Variants in KLHDC10 observed in about 807,000 individuals in gnomAD.
KLHDC10 encodes kelch domain containing 10, also known as kelch domain-containing protein 10.
KLHDC10 carries 24 observed loss-of-function variants against 56.1 expected under a neutral mutation model. The ratio of observed to expected loss-of-function variants is 0.43; its 90% CI spans 0.31 to 0.60. The LOEUF is 0.60. Ranked by LOEUF, KLHDC10 falls within the 20% of genes least tolerant of loss-of-function variation. KLHDC10 has a pLI of 0.11. For synonymous variants in KLHDC10, 188 were observed against 207.1 expected, an observed-to-expected ratio of 0.91 and a Z score of 0.79; for missense variants, 349 against 567.0, an observed-to-expected ratio of 0.62 and a Z score of 3.91.
intron 2 of KLHDC10, among the ~76,000 whole-genome samples, chr7:130,105,861 C>T (rs575132172): frequency 6.4e-4 from 98 of 152,216 alleles, no homozygotes; most frequent in Admixed American, 2.6e-3. Context: ...ATAATTTGTA[C>T]ATTTAAGGCC....
rs905747936 is a variant in KLHDC10 at position 130,128,393 on chromosome 7, G to A, written c.979+942G>A. On this transcript the variant is annotated intron_variant, in intron 8 of 9. Coordinates refer to ENST00000335420, the MANE Select transcript of KLHDC10 (RefSeq NM_014997.4). Reference sequence around the variant, plus strand: ...ATTCAACCTTAGTTCTAGGCATTTCGTTTGAAGGTTCACATAGCCTTTGTT... The same window carrying A: ...ATTCAACCTTAGTTCTAGGCATTTCATTTGAAGGTTCACATAGCCTTTGTT... Among the ~76,000 whole-genome samples, 13 of 152,148 alleles carry A rather than the reference G, an allele frequency of 8.5e-5. No individual in the cohort carries two copies. The South Asian group carries it at 1.7e-3, about 19-fold the overall frequency.
At chr7:130,114,284 C>G (rs971837358) in intron 2 of KLHDC10, among the ~76,000 whole-genome samples, 11 of 152,166 alleles carry the variant, frequency 7.2e-5, no homozygotes, top group African/African-American at 2.7e-4. Flanking sequence ...AATTGATTCC[C>G]GTTTCATTTA....
chr7:130,096,212 C>T (rs577405531), intron 1 of KLHDC10, among the ~76,000 whole-genome samples: 5 of 152,114 alleles, frequency 3.3e-5, no homozygotes, highest in African/African-American at 1.2e-4. Flanking sequence ...TATTTGGGAG[C>T]GATCAAAACT....
rs1352110502 is a variant in KLHDC10, at chr7:130,075,134, G to A, written c.166+4325G>A. ...TACACCCAGTAACGAACAGGGAATT[G>A]TGCTTTTTGTAGAATAAGTATGCAG... On this transcript the variant is annotated intron_variant, in intron 1 of 9. Coordinates refer to ENST00000335420, the MANE Select transcript of KLHDC10 (RefSeq NM_014997.4). Among the ~76,000 whole-genome samples, 4 of 152,142 alleles carry A rather than the reference G, an allele frequency of 2.6e-5. No individual in the cohort carries two copies. In the East Asian group the frequency reaches 5.8e-4, roughly 22 times the overall value.
Position 130,070,613 on chromosome 7 carries a change from G to T in KLHDC10, c.-31G>T, listed in dbSNP as rs998530353. 53 of 1,302,648 alleles carry T rather than the reference G, an allele frequency of 4.1e-5. No individual in the cohort carries two copies. The highest frequency in any genetic ancestry group is 4.9e-5 in the Non-Finnish European group (50 of 1,020,828). The allele number at this position is 1,302,648 out of a possible 1,614,324, so 80.7% of individuals were successfully genotyped here. ...TGGTTCCGCTGGGTCAGGCGCTGAC[G>T]GGACCGGGCTGCGGCAATCGTTAGC... On this transcript the variant is annotated 5_prime_UTR_variant, in exon 1 of 10. Transcript: ENST00000335420.
At position 130,135,345 on chromosome 7, in the gene KLHDC10, G is replaced by T. The variant is rs1796459956; in HGVS notation, c.*4599G>T. The T allele has an allele frequency of 6.5e-6, 1 of 154,366 alleles. No homozygotes were observed. The highest frequency in any genetic ancestry group is 2.4e-5 in the African/African-American group (1 of 41,522). 9.6% of individuals were successfully genotyped at this position (154,366 alleles called of 1,614,324 possible). A position where few individuals can be genotyped will look rare whatever the true frequency, so the allele number is the denominator to read the frequency against. On this transcript the variant is annotated 3_prime_UTR_variant, in exon 10 of 10. Transcript: ENST00000335420. ...CAGGCATCTCCCTGGAAAAGCACCT[G>T]CCAATGACGAATTTCATGGAAGAAC... is the stretch of plus-strand genomic sequence containing the variant.
chr7:130,135,146 A>T lies in KLHDC10; in HGVS notation c.*4400A>T, dbSNP rs995355401. The T allele has an allele frequency of 6.6e-6, 1 of 150,412 alleles. No individual in the cohort carries two copies. Among genetic ancestry groups the T allele is most frequent in the African/African-American group, 2.5e-5 (1 of 40,698 alleles). The allele number at this position is 150,412 out of a possible 1,614,324, so 9.3% of individuals were successfully genotyped here. A position where few individuals can be genotyped will look rare whatever the true frequency, so the allele number is the denominator to read the frequency against. On this transcript the variant is annotated 3_prime_UTR_variant, in exon 10 of 10. Transcript: ENST00000335420. ...TATAAGTTTTTTAAGGGCCCTGCTTAGTCAGTGTACAGGGTGGAGTCAGAG... is the reference window on the plus strand; with the variant it reads ...TATAAGTTTTTTAAGGGCCCTGCTTTGTCAGTGTACAGGGTGGAGTCAGAG...
In KLHDC10 at chr7:130,070,584, C is replaced by A; in HGVS notation, c.-60C>A. On this transcript the variant is annotated 5_prime_UTR_variant, in exon 1 of 10. Transcript: ENST00000335420. ...TCTGGAGGAGCCCAGGAAGGAGGCT[C>A]CGCTGGTTCCGCTGGGTCAGGCGCT... 7.8e-7 allele frequency: 1 copy of A among 1,277,950 alleles called. No individual in the cohort carries two copies. Among genetic ancestry groups the A allele is most frequent in the African/African-American group, 1.5e-5 (1 of 66,170 alleles). 79.2% of individuals were successfully genotyped at this position (1,277,950 alleles called of 1,614,324 possible).
chr7:130,134,391 GCTCCAGGC>G lies in KLHDC10; in HGVS notation c.*3647_*3654del, dbSNP rs1036638134. 2 of 152,198 alleles carry G rather than the reference GCTCCAGGC, an allele frequency of 1.3e-5. No homozygotes were observed. The highest frequency in any genetic ancestry group is 4.8e-5 in the African/African-American group (2 of 41,450). The allele number at this position is 152,198 out of a possible 1,614,324, so 9.4% of individuals were successfully genotyped here. ...TCTTCAGCGTCATCTCCTGCCCTGAGCTCCAGGCCATCTCTCTAACCACCAAAGAACTC... is the reference window on the plus strand; with the variant it reads ...TCTTCAGCGTCATCTCCTGCCCTGAGCATCTCTCTAACCACCAAAGAACTC... On this transcript the variant is annotated 3_prime_UTR_variant, in exon 10 of 10. Transcript: ENST00000335420.
chr7:130,122,251 A>T (rs376992045), intron 5 of KLHDC10, 49 bp downstream of exon 5: 1 of 1,587,164 alleles, frequency 6.3e-7, no homozygotes, highest in African/African-American at 1.3e-5. Flanking sequence ...CTAACATTTG[A>T]CCTCTTTCAG....
At chr7:130,123,097 A>G (rs963191940) in intron 5 of KLHDC10, among the ~76,000 whole-genome samples, 3 of 152,222 alleles carry the variant, frequency 2.0e-5, no homozygotes, top group Non-Finnish European at 2.9e-5. Flanking sequence ...ACACTCAAAC[A>G]TCGCATGGTT....
intron 1 of KLHDC10, among the ~76,000 whole-genome samples, chr7:130,076,053 A>T (rs1795497687): frequency 6.6e-6 from 1 of 151,982 alleles, no homozygotes; most frequent in African/African-American, 2.4e-5. Flanking sequence ...GGTGGGGTGG[A>T]GGAGTGGGGG....
chr7:130,112,641 C>T (rs891416869), intron 2 of KLHDC10, among the ~76,000 whole-genome samples: 3 of 152,144 alleles, frequency 2.0e-5, no homozygotes, highest in African/African-American at 4.8e-5. Flanking sequence ...AAAATTAATG[C>T]TTAGTCTCCG....
intron 6 of KLHDC10, 28 bp from the exon 7 acceptor site, chr7:130,125,837 T>A (rs1331144662): frequency 1.3e-6 from 2 of 1,513,246 alleles, no homozygotes; most frequent in Admixed American, 2.1e-5. Context: ...TATTTATGTA[T>A]GTGTATATGT....
intron 5 of KLHDC10, among the ~76,000 whole-genome samples, 183 bp downstream of exon 5, chr7:130,122,385 A>C (rs533557695): frequency 8.5e-5 from 13 of 152,306 alleles, no homozygotes; most frequent in African/African-American, 2.9e-4. Flanking sequence ...CTGGTGAGGA[A>C]ATAATATTTC....
intron 3 of KLHDC10, among the ~76,000 whole-genome samples, chr7:130,119,454 G>A (rs575109359): frequency 6.7e-6 from 1 of 149,840 alleles, no homozygotes; most frequent in African/African-American, 2.5e-5. Flanking sequence ...CAAGGCTGCA[G>A]TAAGCCGTGA....
At chr7:130,111,075 G>T (rs138320497) in intron 2 of KLHDC10, among the ~76,000 whole-genome samples, 25 of 152,248 alleles carry the variant, frequency 1.6e-4, no homozygotes, top group African/African-American at 5.1e-4. Context: ...ATATGGTAAA[G>T]GTGGCATTTC....
At chr7:130,103,918 C>T (rs182827229) in intron 2 of KLHDC10, among the ~76,000 whole-genome samples, 1 of 151,740 alleles carries the variant, frequency 6.6e-6, no homozygotes, top group East Asian at 1.9e-4. Flanking sequence ...TGAAATCCCC[C>T]CTCTACTAAA....
chr7:130,098,287 G>A (rs113855609), intron 2 of KLHDC10, among the ~76,000 whole-genome samples: 2,161 of 152,198 alleles, frequency 0.014, 45 homozygotes, highest in African/African-American at 0.049. Flanking sequence ...GAGCCCAGGA[G>A]TTCAAGACCA....
Sources: gnomAD v4.1 joint callset for allele counts (sites outside exome capture counted in the v4.1 genomes callset) on GRCh38, gnomAD v4.1.1 for gene constraint, MANE v1.5 for transcripts, NCBI Gene and HGNC (gene_info 2026-07-23, HGNC 2026-07-21) for gene names.